The following RARB variants were observed in gnomAD, a reference collection of about 807,000 sequenced individuals.
RARB encodes HBV-activated protein.
In RARB, 17 loss-of-function variants were observed where a neutral mutation model predicts 51.9. That is an observed-to-expected ratio of 0.33 (90% confidence interval 0.22 to 0.49). RARB has a LOEUF of 0.49. Among genes scored for constraint, RARB ranks in the 20% least tolerant of loss-of-function variants. The probability of loss-of-function intolerance (pLI) is 0.99; values close to 1 mark genes in which losing one functional copy is unlikely to be tolerated. For synonymous variants in RARB, 215 were observed against 195.4 expected (o/e 1.10, Z -0.84); for missense variants, 369 against 550.8 (o/e 0.67, Z 3.30).
At chr3:24,995,442 G>A (rs769139594) in intron 2 of RARB, among the ~76,000 whole-genome samples, 12 of 151,968 alleles carry the variant, frequency 7.9e-5, no homozygotes, top group Non-Finnish European at 1.5e-4. Flanking sequence ...TTCCTTTCCA[G>A]TTTGGATGCC....
chr3:25,145,404 G>T (rs1223263947), intron 4 of RARB, among the ~76,000 whole-genome samples: 1 of 152,136 alleles, frequency 6.6e-6, no homozygotes, highest in Admixed American at 6.5e-5. Context: ...GTTTAATGCA[G>T]CCAAGGAAGT....
At chr3:25,210,756 A>G (rs112820339) in intron 5 of RARB, among the ~76,000 whole-genome samples, 1 of 151,614 alleles carries the variant, frequency 6.6e-6, no homozygotes, top group African/African-American at 2.4e-5. Flanking sequence ...GCTGGTCTCG[A>G]ACTCCTGACC....
chr3:25,554,613 T>A (rs537981337), intron 3 of RARB, among the ~76,000 whole-genome samples: 1 of 152,348 alleles, frequency 6.6e-6, no homozygotes, highest in South Asian at 2.1e-4. Flanking sequence ...GAACCACGTC[T>A]GCCTCTTCAC....
rs533768300 is a variant in RARB at position 24,919,854 on chromosome 3, T to C, written c.-380+61102T>C. 8.5e-5 allele frequency among the ~76,000 whole-genome samples: 13 copies of C among 152,274 alleles called. No individual in the cohort carries two copies. The South Asian group carries it at 2.7e-3, about 32-fold the overall frequency. On this transcript the variant is annotated intron_variant, in intron 2 of 11. Coordinates refer to the RARB transcript ENST00000383772. ...TTCTGCTCATTTACAACTTCCAGGG[T>C]GCTGCTGAACTCTGAACAGTCTTGA...
chr3:24,952,241 C>G (rs986039962), intron 2 of RARB, among the ~76,000 whole-genome samples: 3 of 135,368 alleles, frequency 2.2e-5, no homozygotes, highest in African/African-American at 8.7e-5. Context: ...CAAAAAGTAA[C>G]ATTTGTTTTT....
At chr3:25,378,854 C>T (rs1559377997) in intron 5 of RARB, among the ~76,000 whole-genome samples, 1 of 152,092 alleles carries the variant, frequency 6.6e-6, no homozygotes, top group Non-Finnish European at 1.5e-5. Flanking sequence ...CATAAAGAAG[C>T]TATCAGGGAA....
chr3:25,255,657 T>C (rs1258353888), intron 5 of RARB, among the ~76,000 whole-genome samples: 1 of 152,106 alleles, frequency 6.6e-6, no homozygotes, highest in South Asian at 2.1e-4. Context: ...ACTGTAATTT[T>C]AGTCTTTGAT....
intron 2 of RARB, among the ~76,000 whole-genome samples, chr3:25,472,792 C>A (rs1269109769): frequency 6.6e-6 from 1 of 152,166 alleles, no homozygotes; most frequent in African/African-American, 2.4e-5. Flanking sequence ...ACTGGGAAAG[C>A]CTTACCCAAT....
rs1704114597 is a variant in RARB, at chr3:25,304,599, T to C, written c.178+130024T>C. 2.0e-5 allele frequency among the ~76,000 whole-genome samples: 3 copies of C among 152,238 alleles called. 1 individual carries two copies. The South Asian group carries it at 6.2e-4, about 31-fold the overall frequency. On this transcript the variant is annotated intron_variant, in intron 5 of 11. Transcript: ENST00000383772. The stretch of plus-strand genomic sequence containing the variant: ...AATCCTTCCACAACTCTGTGGGCTT[T>C]ATCTTTAAAGTCATCCAGAATCTAA...
intron 3 of RARB, among the ~76,000 whole-genome samples, chr3:25,555,358 C>A (rs193294767): frequency 6.6e-6 from 1 of 152,088 alleles, no homozygotes; most frequent in African/African-American, 2.4e-5. Context: ...CTCTTCCCTG[C>A]GTTGTTTTTC....
intron 3 of RARB, among the ~76,000 whole-genome samples, chr3:25,099,615 T>TAAAAAAAA: frequency 7.0e-6 from 1 of 142,546 alleles, no homozygotes; most frequent in African/African-American, 2.6e-5. Flanking sequence ...TTTCAGGATT[T>TAAAAAAAA]AAAAAAAAAA....
intron 5 of RARB, among the ~76,000 whole-genome samples, chr3:25,404,217 C>A (rs73820475): frequency 3.3e-5 from 5 of 152,234 alleles, no homozygotes; most frequent in Middle Eastern, 3.4e-3. Context: ...TTCCAGGGGA[C>A]CTTCTCACTG....
intron 2 of RARB, among the ~76,000 whole-genome samples, chr3:25,461,781 G>A (rs1695199132): frequency 6.6e-6 from 1 of 152,160 alleles, no homozygotes; most frequent in Non-Finnish European, 1.5e-5. Context: ...TCTAGTCCCA[G>A]CTACTCAGGA....
chr3:25,309,486 C>CTTTTTTTTTTTTT (rs149976069), intron 5 of RARB, among the ~76,000 whole-genome samples: 1 of 58,048 alleles, frequency 1.7e-5, no homozygotes, highest in Non-Finnish European at 3.2e-5. Flanking sequence ...CTCATAGTTG[C>CTTTTTTTTTTTTT]TTTTTTTTTT....
chr3:24,951,337 T>A (rs539406875), intron 2 of RARB, among the ~76,000 whole-genome samples: 1 of 152,128 alleles, frequency 6.6e-6, no homozygotes, highest in African/African-American at 2.4e-5. Flanking sequence ...AGTCAGTGCA[T>A]CCAGAGCATG....
chr3:25,240,843 T>G (rs1370796447), intron 5 of RARB, among the ~76,000 whole-genome samples: 1 of 152,154 alleles, frequency 6.6e-6, no homozygotes. Flanking sequence ...TAATTTTGGC[T>G]TTGTAGAATG....
chr3:25,484,974 T>G (rs1696390109), intron 2 of RARB, among the ~76,000 whole-genome samples: 1 of 152,212 alleles, frequency 6.6e-6, no homozygotes, highest in African/African-American at 2.4e-5. Flanking sequence ...TTTATAGTCA[T>G]ATTAATAATT....
chr3:24,829,463 T>C (rs866387570), intron 1 of RARB, among the ~76,000 whole-genome samples: 1 of 152,050 alleles, frequency 6.6e-6, no homozygotes, highest in Admixed American at 6.5e-5. Context: ...TCCAAGCCCC[T>C]AGCGTCCCCG....
At chr3:24,975,341 A>G (rs1296555090) in intron 2 of RARB, among the ~76,000 whole-genome samples, 1 of 152,074 alleles carries the variant, frequency 6.6e-6, no homozygotes, top group Non-Finnish European at 1.5e-5. Context: ...TCAGGAAAAA[A>G]TTCCTGAGCA....
Sources: allele counts gnomAD v4.1 joint callset (sites outside exome capture counted in the v4.1 genomes callset), GRCh38; gene constraint gnomAD v4.1.1; transcripts MANE v1.5; gene names NCBI Gene and HGNC (gene_info 2026-07-23, HGNC 2026-07-21).